Variants in CDH7 observed in about 807,000 individuals in gnomAD.
The protein encoded by CDH7 is cadherin-7.
A neutral mutation model predicts 71.8 loss-of-function variants in CDH7; 25 were observed. That is an observed-to-expected ratio of 0.35 (90% confidence interval 0.25 to 0.49). The LOEUF (loss-of-function observed/expected upper bound fraction) is 0.49. Ranked by LOEUF, CDH7 falls within the 20% of genes least tolerant of loss-of-function variation. The pLI is 0.99. For missense variants in CDH7, 862 were observed against 974.6 expected, an observed-to-expected ratio of 0.88 and a Z score of 1.54; for synonymous variants, 381 against 363.8, an observed-to-expected ratio of 1.05 and a Z score of -0.54.
At chr18:65,825,197 G>T (rs377707783) in intron 6 of CDH7, among the ~76,000 whole-genome samples, 3 of 151,850 alleles carry the variant, frequency 2.0e-5, no homozygotes, top group African/African-American at 7.2e-5. Flanking sequence ...GCAAACAACA[G>T]ATGCTATTAT....
intron 11 of CDH7, among the ~76,000 whole-genome samples, chr18:65,864,512 T>G (rs904966992): frequency 3.9e-5 from 6 of 151,964 alleles, no homozygotes; most frequent in African/African-American, 1.4e-4. Context: ...ATTTAGATTT[T>G]GGAATCTAAA....
At chr18:65,858,331 G>A (rs563910871) in intron 8 of CDH7, among the ~76,000 whole-genome samples, 3 of 151,704 alleles carry the variant, frequency 2.0e-5, no homozygotes, top group African/African-American at 7.3e-5. Context: ...ACTAAGTTTA[G>A]TCCCTCATAA....
At chr18:65,867,504 G>T (rs146183279) in intron 11 of CDH7, among the ~76,000 whole-genome samples, 27 of 151,950 alleles carry the variant, frequency 1.8e-4, no homozygotes, top group African/African-American at 6.5e-4. Flanking sequence ...TAAGACATTC[G>T]ATTATTTATT....
chr18:65,793,331 G>C lies in CDH7; in HGVS notation c.211-16373G>C, dbSNP rs1051403182. On this transcript the variant is annotated intron_variant, in intron 2 of 11. Transcript: ENST00000397968. The stretch of plus-strand genomic sequence containing the variant: ...GTGTGTCATTTCAGCTTCTCCACAG[G>C]CTGTGGTGGGAGGATTGCTTGAGTC... Among the ~76,000 whole-genome samples the C allele has an allele frequency of 7.3e-5, 11 of 151,446 alleles. No homozygotes were observed. The South Asian group carries it at 2.3e-3, about 32-fold the overall frequency.
chr18:65,863,740 T>G (rs956739034), intron 11 of CDH7: 1 of 152,250 alleles, frequency 6.6e-6, no homozygotes, highest in African/African-American at 2.4e-5. Context: ...CACATTTAAT[T>G]GTACATTTCC....
intron 2 of CDH7, among the ~76,000 whole-genome samples, chr18:65,782,834 C>T (rs918878093): frequency 3.3e-5 from 5 of 152,120 alleles, no homozygotes; most frequent in African/African-American, 9.7e-5. Flanking sequence ...ATGTTTCTTC[C>T]CTAAGGCACA....
chr18:65,866,318 A>C lies in CDH7; in HGVS notation c.1864+3401A>C, dbSNP rs1568228993. 22 of 4,940 alleles carry C rather than the reference A, an allele frequency of 4.5e-3. 5 individuals are homozygous for C. The highest frequency in any genetic ancestry group is 0.038 in the South Asian group (2 of 52). The allele number at this position is 4,940 out of a possible 1,614,324, so 0.3% of individuals were successfully genotyped here. ...CGTCTCAAAAAAAAAAAAAAAACAA[A>C]AAAAAAAAAAAACAAAAAAAAAAAA... is the stretch of plus-strand genomic sequence containing the variant. On this transcript the variant is annotated intron_variant, in intron 11 of 11. Coordinates refer to ENST00000397968, the MANE Select transcript of CDH7 (RefSeq NM_004361.5).
intron 6 of CDH7, among the ~76,000 whole-genome samples, chr18:65,826,196 G>C (rs921496380): frequency 5.3e-5 from 8 of 151,050 alleles, no homozygotes; most frequent in Admixed American, 5.3e-4. Context: ...TCATCTAAAA[G>C]CATAAAACTC....
At chr18:65,806,578 T>G (rs1911333403) in intron 2 of CDH7, among the ~76,000 whole-genome samples, 1 of 152,100 alleles carries the variant, frequency 6.6e-6, no homozygotes, top group African/African-American at 2.4e-5. Context: ...GTTTGTTTTT[T>G]TCTTGGTCAA....
intron 7 of CDH7, among the ~76,000 whole-genome samples, chr18:65,852,711 T>C (rs2144015563): frequency 6.6e-6 from 1 of 152,148 alleles, no homozygotes; most frequent in African/African-American, 2.4e-5. Flanking sequence ...GCAAATATAG[T>C]TTTTCAGAGG....
intron 3 of CDH7, among the ~76,000 whole-genome samples, chr18:65,813,627 A>C (rs991847452): frequency 6.6e-6 from 1 of 152,044 alleles, no homozygotes; most frequent in Non-Finnish European, 1.5e-5. Context: ...GGCTTGTTCC[A>C]TATTTAAAAG....
intron 1 of CDH7, among the ~76,000 whole-genome samples, chr18:65,756,867 A>G (rs1021911327): frequency 2.6e-5 from 4 of 152,232 alleles, no homozygotes; most frequent in Non-Finnish European, 5.9e-5. Context: ...TCTAGAACAT[A>G]TGAATTAATT....
Position 65,814,630 on chromosome 18 carries a change from G to A in CDH7, c.625+26G>A, listed in dbSNP as rs1348543646. ...GTAAAAATTGAAATGTGACATTCTTGTAAAGTCATCATTTGTTTGCTGCTT... is the reference window on the plus strand; with the variant it reads ...GTAAAAATTGAAATGTGACATTCTTATAAAGTCATCATTTGTTTGCTGCTT... On this transcript the variant is annotated intron_variant, in intron 4 of 11. Transcript: ENST00000397968. The A allele has an allele frequency of 4.4e-6, 7 of 1,590,660 alleles. No individual in the cohort carries two copies. The South Asian group carries it at 8.0e-5, about 18-fold the overall frequency.
intron 3 of CDH7, among the ~76,000 whole-genome samples, chr18:65,813,155 A>C (rs1473061726): frequency 6.6e-6 from 1 of 152,248 alleles, no homozygotes; most frequent in African/African-American, 2.4e-5. Context: ...CAACATGGAG[A>C]AACCCTGTCT....
intron 5 of CDH7, among the ~76,000 whole-genome samples, chr18:65,823,282 G>A (rs919557459): frequency 5.9e-5 from 9 of 151,772 alleles, no homozygotes; most frequent in African/African-American, 2.2e-4. Flanking sequence ...CTTTCAATAA[G>A]CCTATTCTTA....
In CDH7 at chr18:65,770,543, G is replaced by A. The variant is rs988601726; in HGVS notation, c.210+7491G>A. Among the ~76,000 whole-genome samples, 14 of 152,250 alleles carry A rather than the reference G, an allele frequency of 9.2e-5. 1 individual carries two copies. The highest frequency in any genetic ancestry group is 3.4e-4 in the African/African-American group (14 of 41,566). Reference sequence around the variant, plus strand: ...TTCAATGTTGAAATAAATTAGTAATGGCAGTTTCTTCTAATTATTCTTGTT... The same window carrying A: ...TTCAATGTTGAAATAAATTAGTAATAGCAGTTTCTTCTAATTATTCTTGTT... On this transcript the variant is annotated intron_variant, in intron 2 of 11. Transcript: ENST00000397968.
chr18:65,822,523 T>A (rs1911972393), intron 5 of CDH7, among the ~76,000 whole-genome samples: 1 of 150,448 alleles, frequency 6.6e-6, no homozygotes, highest in Admixed American at 6.7e-5. Flanking sequence ...ACTAGACAAT[T>A]ATTAATTGTG....
At chr18:65,781,810 C>T (rs1344548478) in intron 2 of CDH7, among the ~76,000 whole-genome samples, 9 of 83,078 alleles carry the variant, frequency 1.1e-4, no homozygotes, top group African/African-American at 6.4e-4. Context: ...TTCCTTCCTT[C>T]CTTCCTTCCT....
intron 4 of CDH7, among the ~76,000 whole-genome samples, chr18:65,818,993 T>C (rs12326476): frequency 0.22 from 34,100 of 152,024 alleles, 4,090 homozygotes; most frequent in Non-Finnish European, 0.27. Flanking sequence ...GGTCACAACC[T>C]TGTTGACCAA....
Sources: gnomAD v4.1 joint callset for allele counts (sites outside exome capture counted in the v4.1 genomes callset) on GRCh38, gnomAD v4.1.1 for gene constraint, MANE v1.5 for transcripts, NCBI Gene and HGNC (gene_info 2026-07-23, HGNC 2026-07-21) for gene names.